The following NDUFAF6 variants were observed in gnomAD, a reference collection of about 807,000 sequenced individuals.
NDUFAF6 encodes NADH dehydrogenase (ubiquinone) complex I, assembly factor 6.
A neutral mutation model predicts 40.8 loss-of-function variants in NDUFAF6; 45 were observed. That is an observed-to-expected ratio of 1.10 (90% CI 0.87 to 1.42). The LOEUF (loss-of-function observed/expected upper bound fraction) is 1.42. NDUFAF6 is among the 40% of genes most tolerant of loss of function. The probability of loss-of-function intolerance (pLI) is 0.00; values close to 1 mark genes in which losing one functional copy is unlikely to be tolerated. For missense variants in NDUFAF6, 435 were observed against 418.5 expected (o/e 1.04, Z -0.34); for synonymous variants, 185 against 155.9 (o/e 1.19, Z -1.39).
At chr8:95,112,480 G>T (rs1810024048) in intron 4 of NDUFAF6, among the ~76,000 whole-genome samples, 1 of 152,158 alleles carries the variant, frequency 6.6e-6, no homozygotes, top group South Asian at 2.1e-4. Context: ...AGGCAAGGAA[G>T]GATTCTCTCC....
chr8:94,985,470 TA>T (rs1825741721), intron 2 of NDUFAF6, among the ~76,000 whole-genome samples: 1 of 910 alleles, frequency 1.1e-3, no homozygotes, highest in Non-Finnish European at 2.1e-3. Context: ...ACAATAATTA[TA>T]TATATATATA....
At chr8:94,930,045 A>AT (rs1820240072) in intron 1 of NDUFAF6, 1 of 160,342 alleles carries the variant, frequency 6.2e-6, no homozygotes, top group African/African-American at 2.4e-5. Context: ...ATACAGAGAG[A>AT]TTATCAAGTA....
At chr8:94,929,115 C>A (rs955547852) in intron 1 of NDUFAF6, 3 of 152,598 alleles carry the variant, frequency 2.0e-5, no homozygotes, top group African/African-American at 7.2e-5. Context: ...GAACCCTGCA[C>A]CCTGGCCTCA....
At chr8:95,071,375 G>A (rs1238291898) in intron 9 of NDUFAF6, among the ~76,000 whole-genome samples, 2 of 149,098 alleles carry the variant, frequency 1.3e-5, no homozygotes, top group Non-Finnish European at 3.0e-5. Flanking sequence ...TCCAGCCTGG[G>A]CGATAGAGCG....
intron 1 of NDUFAF6, among the ~76,000 whole-genome samples, chr8:94,913,283 GCCC>G (rs1049761401): frequency 1.3e-5 from 2 of 152,074 alleles, no homozygotes; most frequent in Non-Finnish European, 2.9e-5. Context: ...AGGACTCGTT[GCCC>G]CCCATGTCAT....
chr8:94,929,504 A>C (rs1563718625), intron 1 of NDUFAF6: 1 of 151,598 alleles, frequency 6.6e-6, no homozygotes, highest in African/African-American at 2.4e-5. Context: ...CAGTCCCCAC[A>C]CTCTTGCCAC....
downstream of NDUFAF6, among the ~76,000 whole-genome samples, chr8:95,104,853 T>C (rs981627166): frequency 5.9e-5 from 9 of 152,224 alleles, no homozygotes; most frequent in South Asian, 1.9e-3. Context: ...TCATGTGGCC[T>C]GGCTGGGAAA....
chr8:94,921,861 G>A (rs1819525026), intron 1 of NDUFAF6, among the ~76,000 whole-genome samples: 1 of 152,172 alleles, frequency 6.6e-6, no homozygotes, highest in African/African-American at 2.4e-5. Context: ...AGTGGTTTAG[G>A]GCAATGGTCT....
chr8:94,990,897 G>A (rs1826162999), intron 2 of NDUFAF6, among the ~76,000 whole-genome samples: 1 of 152,186 alleles, frequency 6.6e-6, no homozygotes, highest in East Asian at 1.9e-4. Context: ...TTTATGCTCA[G>A]ACAATAAGCC....
At chr8:95,109,109 T>A (rs1284725367) in intron 4 of NDUFAF6, among the ~76,000 whole-genome samples, 1 of 152,134 alleles carries the variant, frequency 6.6e-6, no homozygotes, top group Non-Finnish European at 1.5e-5. Flanking sequence ...TTTGCAGGAT[T>A]TTTCCCAGCT....
intron 1 of NDUFAF6, among the ~76,000 whole-genome samples, chr8:94,934,616 G>C (rs1280235281): frequency 1.3e-5 from 2 of 151,942 alleles, no homozygotes; most frequent in African/African-American, 4.8e-5. Context: ...TCCTGACCTC[G>C]TGATCCACCC....
At chr8:94,921,318 G>A (rs1007294299) in intron 1 of NDUFAF6, among the ~76,000 whole-genome samples, 6 of 152,114 alleles carry the variant, frequency 3.9e-5, no homozygotes, top group Admixed American at 3.3e-4. Flanking sequence ...AGCTTCTCTC[G>A]GCAGTCCCAG....
chr8:94,950,060 G>A (rs1018724080), intron 2 of NDUFAF6: 1 of 152,224 alleles, frequency 6.6e-6, no homozygotes, highest in African/African-American at 2.4e-5. Context: ...AAGGGACTGC[G>A]AGACCAGGCC....
downstream of NDUFAF6, among the ~76,000 whole-genome samples, chr8:95,108,385 G>A (rs1809902208): frequency 6.6e-6 from 1 of 152,050 alleles, no homozygotes; most frequent in African/African-American, 2.4e-5. Context: ...AAAAAGGGAT[G>A]GAATTCTGAT....
rs1820293647 is a variant in NDUFAF6 at position 94,930,558 on chromosome 8, G to C, written c.-935-14925G>C. ...GACTTGCCGAGGGTGGCAATCCCTG[G>C]TAAGATTTTGGCGACGAAGGCTATT... On this transcript the variant is annotated intron_variant, in intron 1 of 14. Coordinates refer to the NDUFAF6 transcript ENST00000396113. 21 of 1,614,114 alleles carry C rather than the reference G, an allele frequency of 1.3e-5. No homozygotes were observed. Among genetic ancestry groups the C allele is most frequent in the Non-Finnish European group, 1.8e-5 (21 of 1,180,056 alleles).
intron 1 of NDUFAF6, among the ~76,000 whole-genome samples, chr8:94,969,520 A>G (rs1174352916): frequency 6.6e-6 from 1 of 152,146 alleles, no homozygotes; most frequent in African/African-American, 2.4e-5. Context: ...GCGTGTCTGT[A>G]ATCCCAGTTA....
At chr8:94,976,721 G>A (rs1488416592) in intron 1 of NDUFAF6, among the ~76,000 whole-genome samples, 3 of 152,072 alleles carry the variant, frequency 2.0e-5, no homozygotes, top group African/African-American at 7.2e-5. Flanking sequence ...ATCAGAGGTT[G>A]GGGAGAAGGA....
At chr8:95,075,078 T>C (rs1403599167) in intron 9 of NDUFAF6, among the ~76,000 whole-genome samples, 3 of 152,200 alleles carry the variant, frequency 2.0e-5, no homozygotes, top group Non-Finnish European at 2.9e-5. Flanking sequence ...GGCCCAGACT[T>C]GGACAGCTGA....
chr8:95,004,442 C>T (rs537965101), intron 2 of NDUFAF6, among the ~76,000 whole-genome samples: 2 of 145,204 alleles, frequency 1.4e-5, no homozygotes, highest in South Asian at 2.2e-4. Flanking sequence ...GTAGCCTCAA[C>T]CTCCTGGGCT....
Sources: gnomAD v4.1 joint callset for allele counts (sites outside exome capture counted in the v4.1 genomes callset) on GRCh38, gnomAD v4.1.1 for gene constraint, MANE v1.5 for transcripts, NCBI Gene and HGNC (gene_info 2026-07-23, HGNC 2026-07-21) for gene names.